ARHGAP24: variants seen among roughly 807,000 people sequenced by gnomAD.
ARHGAP24 encodes the protein rho GTPase-activating protein 24.
ARHGAP24 carries 50 observed loss-of-function variants against 76.4 expected under a neutral mutation model. That is an observed-to-expected ratio of 0.65 (90% CI 0.52 to 0.83). The LOEUF (loss-of-function observed/expected upper bound fraction) is 0.83. Ranked by LOEUF, ARHGAP24 falls within the 40% of genes least tolerant of loss-of-function variation. ARHGAP24 has a pLI of 0.00. For missense variants in ARHGAP24, 930 were observed against 914.2 expected (o/e 1.02, Z -0.22); for synonymous variants, 345 against 323.3 (o/e 1.07, Z -0.72).
chr4:85,610,130 T>A (rs982465296), intron 2 of ARHGAP24, among the ~76,000 whole-genome samples: 2 of 152,032 alleles, frequency 1.3e-5, no homozygotes, highest in Non-Finnish European at 2.9e-5. Context: ...GCGTTTGGCA[T>A]TAGTATGTTG....
chr4:85,785,995 T>C (rs541608862), intron 3 of ARHGAP24, among the ~76,000 whole-genome samples: 1 of 151,262 alleles, frequency 6.6e-6, no homozygotes, highest in Non-Finnish European at 1.5e-5. Context: ...CTTTTTTTTT[T>C]ATTTCTGTAA....
chr4:85,946,491 C>T (rs1737272961), intron 5 of ARHGAP24, among the ~76,000 whole-genome samples: 1 of 152,172 alleles, frequency 6.6e-6, no homozygotes, highest in Non-Finnish European at 1.5e-5. Flanking sequence ...TCTCCCTCTC[C>T]TCTCTTGTAT....
Position 86,001,190 on chromosome 4 carries a change from T to C in ARHGAP24, c.*468T>C, listed in dbSNP as rs569405807. ...AGATAAGCAAAAATATAAATATATATATAAATATATGAGTTATTAAAATCA... is the reference window on the plus strand; with the variant it reads ...AGATAAGCAAAAATATAAATATATACATAAATATATGAGTTATTAAAATCA... On this transcript the variant is annotated 3_prime_UTR_variant, in exon 10 of 10. Coordinates refer to ENST00000395184, the MANE Select transcript of ARHGAP24 (RefSeq NM_001025616.3). The C allele has an allele frequency of 2.5e-6, 1 of 395,864 alleles. No homozygotes were observed. Among genetic ancestry groups the C allele is most frequent in the South Asian group, 1.3e-4 (1 of 7,908 alleles). 24.5% of individuals were successfully genotyped at this position (395,864 alleles called of 1,614,324 possible).
intron 8 of ARHGAP24, among the ~76,000 whole-genome samples, chr4:85,992,376 G>A (rs1188932429): frequency 6.6e-6 from 1 of 152,000 alleles, no homozygotes; most frequent in East Asian, 1.9e-4. Flanking sequence ...CTAGGGACCT[G>A]ACACTCATAC....
intron 3 of ARHGAP24, among the ~76,000 whole-genome samples, chr4:85,765,675 T>C (rs76763622): frequency 0.015 from 2,250 of 152,160 alleles, 50 homozygotes; most frequent in African/African-American, 0.051. Context: ...AAAATAACCA[T>C]GGAAAGTAAT....
At chr4:85,898,361 T>C (rs892540200) in intron 3 of ARHGAP24, among the ~76,000 whole-genome samples, 1 of 152,092 alleles carries the variant, frequency 6.6e-6, no homozygotes, top group Non-Finnish European at 1.5e-5. Context: ...TCCCTTAGCG[T>C]AGATCACTAG....
intron 2 of ARHGAP24, among the ~76,000 whole-genome samples, chr4:85,584,705 A>C (rs980693526): frequency 2.0e-5 from 3 of 152,162 alleles, no homozygotes; most frequent in African/African-American, 7.2e-5. Flanking sequence ...AATATTCTGT[A>C]GATATGGGCA....
chr4:85,572,174 T>C (rs868601371), intron 2 of ARHGAP24, among the ~76,000 whole-genome samples: 4 of 152,242 alleles, frequency 2.6e-5, no homozygotes, highest in South Asian at 2.1e-4. Context: ...GCACCTTGTT[T>C]TATAATTATC....
chr4:85,993,688 C>T (rs183665850), intron 8 of ARHGAP24, among the ~76,000 whole-genome samples: 13 of 152,256 alleles, frequency 8.5e-5, no homozygotes, highest in Middle Eastern at 6.8e-3. Context: ...TATATAGAAA[C>T]TACATAAAAT....
At chr4:85,638,015 T>C (rs1721388487) in intron 2 of ARHGAP24, among the ~76,000 whole-genome samples, 1 of 152,050 alleles carries the variant, frequency 6.6e-6, no homozygotes, top group East Asian at 1.9e-4. Context: ...ATCTCAGTCA[T>C]ACCACATTCT....
At chr4:85,624,171 C>CA (rs965034967) in intron 2 of ARHGAP24, among the ~76,000 whole-genome samples, 5 of 152,152 alleles carry the variant, frequency 3.3e-5, no homozygotes, top group African/African-American at 1.2e-4. Flanking sequence ...TGCCCGTTTT[C>CA]AAAGGAATGC....
At chr4:85,959,923 T>C (rs1738146739) in intron 5 of ARHGAP24, among the ~76,000 whole-genome samples, 1 of 152,184 alleles carries the variant, frequency 6.6e-6, no homozygotes, top group Admixed American at 6.5e-5. Flanking sequence ...TTCAACCTTT[T>C]TTTCATGTGA....
intron 2 of ARHGAP24, among the ~76,000 whole-genome samples, chr4:85,639,703 T>TTAA (rs546866250): frequency 1.4e-5 from 2 of 146,846 alleles, no homozygotes; most frequent in African/African-American, 2.5e-5. Context: ...GAATAATTGG[T>TTAA]AAAAAAAAAA....
Position 85,995,498 on chromosome 4 carries a change from G to A in ARHGAP24, c.1844G>A (p.Ser615Asn), listed in dbSNP as rs1006540219. The A allele has an allele frequency of 1.9e-6, 3 of 1,602,928 alleles. No individual in the cohort carries two copies. Among genetic ancestry groups the A allele is most frequent in the South Asian group, 1.1e-5 (1 of 88,970 alleles). The change falls in exon 9 of 10, where the codon AGT (serine) becomes AAT (asparagine). Residue 615 changes from serine (S) to asparagine (N), a missense_variant. Ser to Asn is a conservative substitution (Grantham distance 46). Transcript: ENST00000395184. ...TATGAAAGCAAAAGTGACCACAGGA[G>A]TGTGGGAGGTCGAAGTAGTCGTGCC... ...RDYESKSDHR[S>N]VGGRSSRATS...
intron 2 of ARHGAP24, among the ~76,000 whole-genome samples, chr4:85,704,161 GT>G (rs35348918): frequency 3.4e-4 from 52 of 151,546 alleles, no homozygotes; most frequent in Middle Eastern, 3.4e-3. Context: ...CATATATACA[GT>G]TTTTTTTTGT....
intron 1 of ARHGAP24, among the ~76,000 whole-genome samples, chr4:85,484,892 C>T (rs930612041): frequency 6.6e-6 from 1 of 152,084 alleles, no homozygotes; most frequent in Non-Finnish European, 1.5e-5. Flanking sequence ...ACTAGGATTA[C>T]AGACATGAGC....
chr4:85,624,584 G>A (rs917346760), intron 2 of ARHGAP24, among the ~76,000 whole-genome samples: 1 of 152,154 alleles, frequency 6.6e-6, no homozygotes, highest in East Asian at 1.9e-4. Flanking sequence ...TTGGTATCAG[G>A]ATGATGCTGG....
chr4:85,884,290 A>G (rs537391231), intron 3 of ARHGAP24, among the ~76,000 whole-genome samples: 1 of 152,316 alleles, frequency 6.6e-6, no homozygotes, highest in Admixed American at 6.5e-5. Flanking sequence ...CACTTAAACA[A>G]GATGCTGAAA....
At chr4:85,490,143 T>C (rs1723297528) in intron 1 of ARHGAP24, among the ~76,000 whole-genome samples, 1 of 152,124 alleles carries the variant, frequency 6.6e-6, no homozygotes, top group African/African-American at 2.4e-5. Context: ...AATAAATATA[T>C]ATGTCATGTT....
Sources: gnomAD v4.1 joint callset for allele counts (sites outside exome capture counted in the v4.1 genomes callset) on GRCh38, gnomAD v4.1.1 for gene constraint, MANE v1.5 for transcripts, NCBI Gene and HGNC (gene_info 2026-07-23, HGNC 2026-07-21) for gene names.